RSRC1: variants seen among roughly 807,000 people sequenced by gnomAD.
RSRC1 encodes arginine and serine rich coiled-coil 1, also known as serine/Arginine-related protein 53.
RSRC1 carries 39 observed loss-of-function variants against 49.1 expected under a neutral mutation model. The observed-to-expected ratio is 0.79, with a 90% CI of 0.61 to 1.04. The LOEUF (loss-of-function observed/expected upper bound fraction) is 1.04. Ranked by LOEUF, RSRC1 falls within the 50% of genes least tolerant of loss-of-function variation. The pLI, the probability that RSRC1 is intolerant of heterozygous loss-of-function variation, is 0.00. For synonymous variants in RSRC1, 143 were observed against 130.8 expected (o/e 1.09, Z -0.63); for missense variants, 388 against 402.4 (o/e 0.96, Z 0.31).
chr3:158,173,131 G>C (rs889303552), intron 3 of RSRC1, among the ~76,000 whole-genome samples: 1 of 151,562 alleles, frequency 6.6e-6, no homozygotes. Flanking sequence ...ATAAATCATA[G>C]GCTTTATAGA....
chr3:158,246,492 A>G (rs1723908498), intron 4 of RSRC1, among the ~76,000 whole-genome samples: 1 of 151,574 alleles, frequency 6.6e-6, no homozygotes, highest in Non-Finnish European at 1.5e-5. Context: ...TGGTTACTTA[A>G]GTGTGTTTTT....
chr3:158,165,390 G>A (rs972120403), intron 3 of RSRC1, among the ~76,000 whole-genome samples: 6 of 152,188 alleles, frequency 3.9e-5, no homozygotes, highest in Non-Finnish European at 7.4e-5. Context: ...CGTTATGTAT[G>A]CACTTAAAAA....
intron 8 of RSRC1, among the ~76,000 whole-genome samples, chr3:158,538,725 G>A (rs1319019159): frequency 2.0e-5 from 3 of 151,934 alleles, no homozygotes; most frequent in African/African-American, 4.8e-5. Context: ...AAGGTAGGAA[G>A]TGGTGCTAAC....
intron 3 of RSRC1, among the ~76,000 whole-genome samples, chr3:158,182,073 G>A (rs1207088788): frequency 6.6e-6 from 1 of 152,084 alleles, no homozygotes; most frequent in Non-Finnish European, 1.5e-5. Context: ...TTGGGAGTTC[G>A]GGAGGTTGGG....
chr3:158,137,937 A>G (rs1246753253), intron 3 of RSRC1, among the ~76,000 whole-genome samples: 1 of 152,198 alleles, frequency 6.6e-6, no homozygotes, highest in Non-Finnish European at 1.5e-5. Context: ...AATGCTGATT[A>G]CAGGCTTGAG....
chr3:158,224,972 G>C (rs534110037), intron 4 of RSRC1, among the ~76,000 whole-genome samples: 1 of 151,956 alleles, frequency 6.6e-6, no homozygotes, highest in African/African-American at 2.4e-5. Context: ...TATTGTGATA[G>C]TAGAAATACG....
intron 1 of RSRC1, among the ~76,000 whole-genome samples, chr3:158,115,138 T>G (rs1223317033): frequency 6.6e-6 from 1 of 152,172 alleles, no homozygotes; most frequent in East Asian, 1.9e-4. Flanking sequence ...GTGGGTTTGT[T>G]GTAAATGGCT....
intron 4 of RSRC1, among the ~76,000 whole-genome samples, chr3:158,294,943 C>T (rs1212840181): frequency 6.6e-6 from 1 of 152,010 alleles, no homozygotes; most frequent in Non-Finnish European, 1.5e-5. Context: ...GATGTCATAT[C>T]CTTAAATATA....
At chr3:158,173,525 A>G (rs1222369909) in intron 3 of RSRC1, among the ~76,000 whole-genome samples, 1 of 151,992 alleles carries the variant, frequency 6.6e-6, no homozygotes, top group Non-Finnish European at 1.5e-5. Flanking sequence ...ATGTATGTAT[A>G]TATCACTAAA....
At chr3:158,134,949 CTG>C in intron 3 of RSRC1, among the ~76,000 whole-genome samples, 2 of 152,200 alleles carry the variant, frequency 1.3e-5, no homozygotes, top group East Asian at 1.9e-4. Flanking sequence ...AAATGAGGCA[CTG>C]TGAAATATTT....
Position 158,539,163 on chromosome 3 carries a change from C to T in RSRC1, c.759+1965C>T, listed in dbSNP as rs546189972. On this transcript the variant is annotated intron_variant, in intron 8 of 9. Coordinates refer to ENST00000611884, the MANE Select transcript of RSRC1 (RefSeq NM_001271838.2). This position sits in a 1 kb window ranked among gnomAD's most constrained non-coding sequence, Gnocchi z 4.1. ...GATCCTAGTTTCAACATATTTTTCT[C>T]CTGGACAGTTTTATACACTTTGATA... Among the ~76,000 whole-genome samples the T allele has an allele frequency of 2.6e-4, 40 of 151,920 alleles. No individual in the cohort carries two copies. The highest frequency in any genetic ancestry group is 4.6e-4 in the Non-Finnish European group (31 of 67,876).
intron 3 of RSRC1, among the ~76,000 whole-genome samples, chr3:158,129,351 G>A (rs912643464): frequency 1.7e-4 from 22 of 129,976 alleles, no homozygotes; most frequent in Non-Finnish European, 3.2e-4. Flanking sequence ...GTATAGTGAC[G>A]CAATTCTCAT....
chr3:158,440,404 T>C (rs1269125134), intron 6 of RSRC1, among the ~76,000 whole-genome samples: 2 of 152,064 alleles, frequency 1.3e-5, no homozygotes, highest in African/African-American at 4.8e-5. Flanking sequence ...CTGAGAAAAG[T>C]AGTCTAAATT....
At chr3:158,154,345 G>A (rs538128764) in intron 3 of RSRC1, among the ~76,000 whole-genome samples, 1 of 152,224 alleles carries the variant, frequency 6.6e-6, no homozygotes, top group African/African-American at 2.4e-5. Context: ...TGAAGGTTGG[G>A]GTGGCGGTGG....
At chr3:158,238,591 A>C (rs889811097) in intron 4 of RSRC1, among the ~76,000 whole-genome samples, 2 of 152,242 alleles carry the variant, frequency 1.3e-5, no homozygotes, top group Non-Finnish European at 2.9e-5. Context: ...ATCTTTGACA[A>C]ACCTGACAAA....
At chr3:158,422,623 T>C (rs1349015914) in intron 6 of RSRC1, among the ~76,000 whole-genome samples, 7 of 150,508 alleles carry the variant, frequency 4.7e-5, no homozygotes, top group Non-Finnish European at 8.9e-5. Context: ...ATGGTATTTC[T>C]AGTTCTAGAT....
At chr3:158,451,500 C>T (rs1265119886) in intron 6 of RSRC1, among the ~76,000 whole-genome samples, 2 of 151,908 alleles carry the variant, frequency 1.3e-5, no homozygotes. Flanking sequence ...CCGGTGTGAC[C>T]TAGAAAGAGA....
intron 8 of RSRC1, 108 bp from the exon 9 acceptor site, chr3:158,543,227 A>G: frequency 3.4e-6 from 3 of 889,888 alleles, no homozygotes; most frequent in Non-Finnish European, 4.6e-6. Context: ...GATGGGTATC[A>G]TCTCAAAGGA....
chr3:158,434,754 A>G (rs1356361473), intron 6 of RSRC1, among the ~76,000 whole-genome samples: 3 of 152,016 alleles, frequency 2.0e-5, no homozygotes, highest in Non-Finnish European at 4.4e-5. Flanking sequence ...ACTTTTCATC[A>G]TATTTTGGTA....
Sources: gnomAD v4.1 joint callset for allele counts (sites outside exome capture counted in the v4.1 genomes callset) on GRCh38, gnomAD v4.1.1 for gene constraint, Gnocchi (gnomAD v3.1) non-coding constraint, MANE v1.5 for transcripts, NCBI Gene and HGNC (gene_info 2026-07-23, HGNC 2026-07-21) for gene names.